PHF14: variants seen among roughly 807,000 people sequenced by gnomAD.
PHF14 encodes the protein PHD finger protein 14.
PHF14 carries 55 observed loss-of-function variants against 117.9 expected under a neutral mutation model. The ratio of observed to expected loss-of-function variants is 0.47; its 90% CI spans 0.38 to 0.58. PHF14 has a LOEUF of 0.58. Ranked by LOEUF, PHF14 falls within the 20% of genes least tolerant of loss-of-function variation. The probability of loss-of-function intolerance (pLI) is 0.00; values close to 1 mark genes in which losing one functional copy is unlikely to be tolerated. For missense variants in PHF14, 978 were observed against 1,122.2 expected, an observed-to-expected ratio of 0.87 and a Z score of 1.84; for synonymous variants, 409 against 368.6, an observed-to-expected ratio of 1.11 and a Z score of -1.26.
chr7:10,996,604 A>AG (rs751654144), intron 4 of PHF14, among the ~76,000 whole-genome samples: 37 of 152,214 alleles, frequency 2.4e-4, no homozygotes, highest in Non-Finnish European at 4.9e-4. Flanking sequence ...GAAAAAAAAA[A>AG]CTAATTGATA....
intron 17 of PHF14, among the ~76,000 whole-genome samples, chr7:11,162,647 C>T (rs1240459158): frequency 6.6e-6 from 1 of 151,602 alleles, no homozygotes; most frequent in Non-Finnish European, 1.5e-5. Context: ...TTTTTTTCCC[C>T]AGATCAGAGG....
chr7:10,990,251 C>T (rs1004066059), intron 3 of PHF14, among the ~76,000 whole-genome samples: 17 of 152,048 alleles, frequency 1.1e-4, no homozygotes, highest in African/African-American at 2.9e-4. Context: ...TGTATATGTG[C>T]GTCTTGTCTT....
At chr7:11,046,338 T>C (rs1303679595) in intron 13 of PHF14, among the ~76,000 whole-genome samples, 3 of 152,186 alleles carry the variant, frequency 2.0e-5, no homozygotes, top group Non-Finnish European at 4.4e-5. Context: ...CCTCCACTCA[T>C]CTGATTGGAA....
At chr7:11,112,713 G>A (rs1164585663) in intron 17 of PHF14, among the ~76,000 whole-genome samples, 1 of 151,932 alleles carries the variant, frequency 6.6e-6, no homozygotes, top group Admixed American at 6.6e-5. Context: ...AGAGGTTGCA[G>A]TGAACCGAGA....
intron 17 of PHF14, among the ~76,000 whole-genome samples, chr7:11,112,332 C>A (rs1042426898): frequency 5.8e-4 from 89 of 152,236 alleles, no homozygotes; most frequent in African/African-American, 2.1e-3. Flanking sequence ...ATCATGTAAT[C>A]AAAAACATTC....
At chr7:11,071,268 A>T (rs202147228) in intron 16 of PHF14, 4 of 518,614 alleles carry the variant, frequency 7.7e-6, no homozygotes, top group Middle Eastern at 3.2e-4. Context: ...CCATGTTCCC[A>T]AGTCCATGTT....
Position 10,974,070 on chromosome 7 carries a change from CG to C in PHF14, c.-252del, listed in dbSNP as rs1781774683. ...GCCGGGTTGACTGCGCTGCCTGGGC[CG>C]GAGGTCTTCTCCGGCCAGGGAGCGC... On this transcript the variant is annotated 5_prime_UTR_variant, in exon 1 of 18. Transcript: ENST00000634607. 2.2e-6 allele frequency: 1 copy of C among 464,784 alleles called. No homozygotes were observed. Among genetic ancestry groups the C allele is most frequent in the African/African-American group, 2.0e-5 (1 of 48,904 alleles). 28.8% of individuals were successfully genotyped at this position (464,784 alleles called of 1,614,324 possible). A position where few individuals can be genotyped will look rare whatever the true frequency, so the allele number is the denominator to read the frequency against.
chr7:11,092,402 G>T (rs1337651086), intron 16 of PHF14, among the ~76,000 whole-genome samples: 1 of 152,190 alleles, frequency 6.6e-6, no homozygotes, highest in Non-Finnish European at 1.5e-5. Flanking sequence ...CTGGTCTGGA[G>T]ACTAAACTAT....
At chr7:11,128,189 TTG>T (rs1787984144) in intron 17 of PHF14, among the ~76,000 whole-genome samples, 1 of 152,078 alleles carries the variant, frequency 6.6e-6, no homozygotes. Flanking sequence ...CCAGACCTCA[TTG>T]CTATCTTTTG....
chr7:11,040,638 A>T, intron 11 of PHF14, 34 bp from the exon 12 acceptor site: 2 of 1,160,310 alleles, frequency 1.7e-6, no homozygotes, highest in Non-Finnish European at 2.4e-6. Flanking sequence ...TTCTTTCTTA[A>T]AACAATATAT....
In PHF14 at chr7:11,016,739, A is replaced by G. The variant is rs375451434; in HGVS notation, c.1205+2833A>G. On this transcript the variant is annotated intron_variant, in intron 5 of 17. Coordinates refer to ENST00000634607, the MANE Select transcript of PHF14 (RefSeq NM_001007157.2). Reference sequence around the variant, plus strand: ...TCAAACACTTGTCTTTTGAGTTACAAACAATCCAGTTACCCTCTTTAAGTT... The same window carrying G: ...TCAAACACTTGTCTTTTGAGTTACAGACAATCCAGTTACCCTCTTTAAGTT... Among the ~76,000 whole-genome samples the G allele has an allele frequency of 5.3e-5, 8 of 152,176 alleles. No homozygotes were observed. In the East Asian group the frequency reaches 5.8e-4, roughly 11 times the overall value.
At position 11,141,613 on chromosome 7, in the gene PHF14, C is replaced by G. The variant is rs574684937; in HGVS notation, c.2773-27803C>G. Reference sequence around the variant, plus strand: ...TGTTATATAATAGCCTAAGTTGCATCAGGAGTATAATTTGGTAGCTGTTTC... The same window carrying G: ...TGTTATATAATAGCCTAAGTTGCATGAGGAGTATAATTTGGTAGCTGTTTC... On this transcript the variant is annotated intron_variant, in intron 17 of 17. Coordinates refer to ENST00000634607, the MANE Select transcript of PHF14 (RefSeq NM_001007157.2). Among the ~76,000 whole-genome samples, 3 of 152,086 alleles carry G rather than the reference C, an allele frequency of 2.0e-5. No individual in the cohort carries two copies. The East Asian group carries it at 5.8e-4, about 29-fold the overall frequency.
intron 6 of PHF14, among the ~76,000 whole-genome samples, chr7:11,026,004 C>G (rs908915767): frequency 6.6e-6 from 1 of 150,836 alleles, no homozygotes; most frequent in African/African-American, 2.4e-5. Context: ...CCCAGCTACT[C>G]AGGAAGCTGA....
intron 17 of PHF14, among the ~76,000 whole-genome samples, chr7:11,133,952 G>A (rs1788152171): frequency 6.6e-6 from 1 of 151,966 alleles, no homozygotes; most frequent in Non-Finnish European, 1.5e-5. Context: ...ACCCAAGTGA[G>A]GAATTTAAGG....
In PHF14 at chr7:10,974,861, G is replaced by C; in HGVS notation, c.28G>C (p.Val10Leu). The stretch of plus-strand genomic sequence containing the variant: ...GGATCGCAGCTCCAAGAGGAGGCAG[G>C]TGAAGCCTTTGGCAGCTTCTCTGCT... MDRSSKRRQ[V>L]KPLAASLLEA... is the part of the protein sequence containing the mutation. Residue 10 changes from valine to leucine, a missense_variant, in exon 2 of 18, where the codon GTG becomes CTG. Val to Leu is a conservative substitution (Grantham distance 32, BLOSUM62 1). Transcript: ENST00000634607. The C allele has an allele frequency of 4.4e-6, 7 of 1,590,324 alleles. No individual in the cohort carries two copies. The highest frequency in any genetic ancestry group is 5.1e-6 in the Non-Finnish European group (6 of 1,166,920).
intron 5 of PHF14, among the ~76,000 whole-genome samples, chr7:11,017,956 G>T (rs117992770): frequency 6.6e-6 from 1 of 152,164 alleles, no homozygotes; most frequent in East Asian, 1.9e-4. Context: ...AAGAGATGGC[G>T]TCTAGTTTCC....
At chr7:11,016,824 A>G (rs911317299) in intron 5 of PHF14, among the ~76,000 whole-genome samples, 6 of 152,160 alleles carry the variant, frequency 3.9e-5, no homozygotes, top group Non-Finnish European at 5.9e-5. Context: ...GCTATTAAAC[A>G]GTAGGTCTTA....
intron 13 of PHF14, among the ~76,000 whole-genome samples, chr7:11,047,293 CTCCTGACCTCATGA>C (rs1314297514): frequency 1.3e-5 from 2 of 151,960 alleles, no homozygotes; most frequent in Non-Finnish European, 2.9e-5. Flanking sequence ...TGGTCTCGAT[CTCCTGACCTCATGA>C]TCCGCCTGCC....
intron 2 of PHF14, among the ~76,000 whole-genome samples, chr7:10,981,238 C>T (rs1371754700): frequency 1.3e-5 from 2 of 152,020 alleles, no homozygotes; most frequent in East Asian, 1.9e-4. Flanking sequence ...TTTACTTTTT[C>T]CACCATTTTA....
Sources: allele counts gnomAD v4.1 joint callset (sites outside exome capture counted in the v4.1 genomes callset), GRCh38; gene constraint gnomAD v4.1.1; transcripts MANE v1.5; gene names NCBI Gene and HGNC (gene_info 2026-07-23, HGNC 2026-07-21).